MED13L: variants seen among roughly 807,000 people sequenced by gnomAD.
MED13L encodes the protein mediator of RNA polymerase II transcription subunit 13-like.
A neutral mutation model predicts 220.9 loss-of-function variants in MED13L; 7 were observed. The ratio of observed to expected loss-of-function variants is 0.03; its 90% confidence interval spans 0.02 to 0.06. The LOEUF (loss-of-function observed/expected upper bound fraction) is 0.06, where lower values mean the gene tolerates loss of function less well. Among genes scored for constraint, MED13L ranks in the 10% least tolerant of loss-of-function variants. MED13L has a pLI of 1.00. For synonymous variants in MED13L, 1,011 were observed against 1,015.2 expected (o/e 1.00, Z 0.08); for missense variants, 1,965 against 2,760.5 (o/e 0.71, Z 6.46).
At chr12:116,184,739 A>C (rs1880763902) in intron 2 of MED13L, among the ~76,000 whole-genome samples, 1 of 152,230 alleles carries the variant, frequency 6.6e-6, no homozygotes, top group Non-Finnish European at 1.5e-5. Flanking sequence ...TTTTGATTTA[A>C]ATCACATATC....
chr12:116,232,183 T>A, intron 2 of MED13L: 1 of 964,228 alleles, frequency 1.0e-6, no homozygotes, highest in Non-Finnish European at 1.2e-6. Flanking sequence ...GCAATATTTA[T>A]GTCTCTAAAT....
At chr12:116,196,864 GT>G (rs1260914892) in intron 2 of MED13L, among the ~76,000 whole-genome samples, 3 of 152,248 alleles carry the variant, frequency 2.0e-5, no homozygotes, top group Non-Finnish European at 4.4e-5. Context: ...ATTAATAAAA[GT>G]GCATTAATTT....
chr12:116,068,390 A>C (rs1401599315), intron 4 of MED13L, among the ~76,000 whole-genome samples: 1 of 152,232 alleles, frequency 6.6e-6, no homozygotes, highest in East Asian at 1.9e-4. Context: ...TGATCTGTAG[A>C]GCTATATTTT....
intron 4 of MED13L, among the ~76,000 whole-genome samples, chr12:116,075,698 C>A (rs1233851577): frequency 6.6e-6 from 1 of 152,158 alleles, no homozygotes; most frequent in Non-Finnish European, 1.5e-5. Context: ...TCTAGACCTG[C>A]AAGCTCCAGG....
At chr12:116,041,360 A>T (rs1003398809) in intron 4 of MED13L, among the ~76,000 whole-genome samples, 3 of 152,094 alleles carry the variant, frequency 2.0e-5, no homozygotes, top group Admixed American at 2.0e-4. Flanking sequence ...GTCATGCTGA[A>T]CCATGAGTCA....
intron 2 of MED13L, among the ~76,000 whole-genome samples, chr12:116,236,472 G>C (rs998845374): frequency 6.7e-6 from 1 of 150,374 alleles, no homozygotes; most frequent in Non-Finnish European, 1.5e-5. Context: ...ACAGAGCCTC[G>C]AACATACATT....
At chr12:115,992,120 G>A (rs957701189) in intron 16 of MED13L, among the ~76,000 whole-genome samples, 163 bp from the exon 17 acceptor site, 1 of 151,518 alleles carries the variant, frequency 6.6e-6, no homozygotes, top group Non-Finnish European at 1.5e-5. Flanking sequence ...AAAAAAAGAA[G>A]ATACAAAGGT....
intron 2 of MED13L, among the ~76,000 whole-genome samples, chr12:116,117,639 T>C (rs2137932370): frequency 1.3e-5 from 2 of 152,142 alleles, no homozygotes; most frequent in Middle Eastern, 3.4e-3. Flanking sequence ...ATTTATGTGA[T>C]TAACCTCCAT....
Position 115,975,190 on chromosome 12 carries a change from A to T in MED13L, c.5712T>A (p.Leu1904=). ...WRVVIGRLGR[L]GHGELKDWSI... ...TCTCACCTTTAAGCTCCCCATGGCC[A>T]AGACGCCCAAGTCGCCCGATTACAA... The change falls in exon 25 of 31, where the codon CTT becomes CTA. Residue 1904 remains leucine (L), a synonymous_variant. Transcript: ENST00000281928. The T allele has an allele frequency of 6.2e-7, 1 of 1,614,144 alleles. No homozygotes were observed. Among genetic ancestry groups the T allele is most frequent in the Non-Finnish European group, 8.5e-7 (1 of 1,180,010 alleles).
chr12:115,974,866 G>A (rs1210463776), intron 25 of MED13L, among the ~76,000 whole-genome samples: 2 of 152,188 alleles, frequency 1.3e-5, no homozygotes, highest in South Asian at 2.1e-4. Context: ...AAACTGACTA[G>A]TTCTTCTCCC....
At chr12:116,131,796 T>A (rs1003320089) in intron 2 of MED13L, among the ~76,000 whole-genome samples, 1 of 150,966 alleles carries the variant, frequency 6.6e-6, no homozygotes, top group Admixed American at 6.6e-5. Flanking sequence ...CTGGGCAACA[T>A]GGCAAAACCT....
chr12:116,147,238 T>C (rs888182800), intron 2 of MED13L, among the ~76,000 whole-genome samples: 1 of 152,304 alleles, frequency 6.6e-6, no homozygotes. Flanking sequence ...GGATACCATG[T>C]CCTAAAACTC....
intron 4 of MED13L, among the ~76,000 whole-genome samples, chr12:116,089,939 T>C (rs1872045461): frequency 1.3e-5 from 2 of 152,200 alleles, no homozygotes; most frequent in South Asian, 4.1e-4. Flanking sequence ...GGATAAGACA[T>C]TCCTTTTTAA....
chr12:116,059,641 C>T (rs747391321), intron 4 of MED13L, among the ~76,000 whole-genome samples: 24 of 152,128 alleles, frequency 1.6e-4, no homozygotes, highest in Non-Finnish European at 3.1e-4. Context: ...TGGTCTCGAA[C>T]TCCTGACCTC....
chr12:116,264,908 A>T (rs988834657), intron 1 of MED13L, among the ~76,000 whole-genome samples: 3 of 152,160 alleles, frequency 2.0e-5, no homozygotes, highest in African/African-American at 7.2e-5. Context: ...CAAGAGGATT[A>T]CTTGAGTCCC....
chr12:116,101,621 T>TA (rs1429640656), intron 3 of MED13L, among the ~76,000 whole-genome samples: 1 of 152,208 alleles, frequency 6.6e-6, no homozygotes. Context: ...TCATAGACAC[T>TA]AAAAAATGTT....
intron 3 of MED13L, among the ~76,000 whole-genome samples, chr12:116,111,103 T>C (rs1874039394): frequency 6.6e-6 from 1 of 152,124 alleles, no homozygotes; most frequent in Non-Finnish European, 1.5e-5. Flanking sequence ...TATACCTTTG[T>C]CCTTAGGAAA....
chr12:116,154,636 C>T (rs990433792), intron 2 of MED13L, among the ~76,000 whole-genome samples: 1 of 152,012 alleles, frequency 6.6e-6, no homozygotes, highest in African/African-American at 2.4e-5. Flanking sequence ...GTAGTGCTTA[C>T]GAGACACATT....
Position 116,136,694 on chromosome 12 carries a change from T to C in MED13L, c.311-25182A>G, listed in dbSNP as rs952972946. On this transcript the variant is annotated intron_variant, in intron 2 of 30. Coordinates refer to ENST00000281928, the MANE Select transcript of MED13L (RefSeq NM_015335.5). ...GTAAACATCAGGTGGCATATAATAT[T>C]ATGCTCTTAATCTGTATTTTTATCA... is the stretch of plus-strand genomic sequence containing the variant. Among the ~76,000 whole-genome samples the C allele has an allele frequency of 2.6e-5, 4 of 152,190 alleles. No individual in the cohort carries two copies. The South Asian group carries it at 8.3e-4, about 32-fold the overall frequency.
Sources: gnomAD v4.1 joint callset for allele counts (sites outside exome capture counted in the v4.1 genomes callset) on GRCh38, gnomAD v4.1.1 for gene constraint, MANE v1.5 for transcripts, NCBI Gene and HGNC (gene_info 2026-07-23, HGNC 2026-07-21) for gene names.